WAC: variants seen among roughly 807,000 people sequenced by gnomAD.
WAC encodes the protein WW domain-containing adapter protein with coiled-coil.
Under a neutral mutation model 79.6 loss-of-function variants are expected in WAC, and 11 were observed. That is an observed-to-expected ratio of 0.14 (90% CI 0.09 to 0.23). The LOEUF (loss-of-function observed/expected upper bound fraction) is 0.23, where lower values mean the gene tolerates loss of function less well. WAC is among the 10% of genes least tolerant of loss of function. The pLI is 1.00. For missense variants in WAC, 728 were observed against 773.5 expected (o/e 0.94, Z 0.70); for synonymous variants, 304 against 276.9 (o/e 1.10, Z -0.97).
chr10:28,538,995 T>G (rs1836851134), intron 3 of WAC, among the ~76,000 whole-genome samples: 1 of 152,180 alleles, frequency 6.6e-6, no homozygotes, highest in Non-Finnish European at 1.5e-5. Flanking sequence ...AGCAGGTTAC[T>G]TACTATATGC....
At chr10:28,573,702 G>A (rs1301458175) in intron 3 of WAC, among the ~76,000 whole-genome samples, 26 of 152,200 alleles carry the variant, frequency 1.7e-4, no homozygotes, top group Admixed American at 1.3e-4. Context: ...TGGTGGGGGC[G>A]TAAGTTTTAT....
chr10:28,543,222 C>T (rs1346273993), intron 3 of WAC, among the ~76,000 whole-genome samples: 1 of 152,202 alleles, frequency 6.6e-6, no homozygotes, highest in Non-Finnish European at 1.5e-5. Flanking sequence ...GGTTCTATAG[C>T]AGCACCGTCC....
At chr10:28,564,034 T>C (rs1159931166) in intron 3 of WAC, among the ~76,000 whole-genome samples, 1 of 151,980 alleles carries the variant, frequency 6.6e-6, no homozygotes, top group Non-Finnish European at 1.5e-5. Context: ...CCCAGCACTT[T>C]GGGAAGCTGA....
At chr10:28,564,241 A>G (rs1364825493) in intron 3 of WAC, among the ~76,000 whole-genome samples, 1 of 152,210 alleles carries the variant, frequency 6.6e-6, no homozygotes, top group Non-Finnish European at 1.5e-5. Context: ...CGATAGAGCC[A>G]GACCTTGTCT....
chr10:28,588,983 A>G (rs1481579508), intron 4 of WAC: 4 of 152,298 alleles, frequency 2.6e-5, no homozygotes, highest in African/African-American at 4.8e-5. Context: ...CCTGGGGGCA[A>G]TTAGATACTT....
At chr10:28,582,726 T>C (rs543398119) in intron 3 of WAC, among the ~76,000 whole-genome samples, 1 of 152,324 alleles carries the variant, frequency 6.6e-6, no homozygotes, top group South Asian at 2.1e-4. Context: ...TATACCCTGC[T>C]TTTTCTTAAA....
intron 8 of WAC, among the ~76,000 whole-genome samples, chr10:28,609,286 C>A (rs1326833217): frequency 6.6e-6 from 1 of 152,126 alleles, no homozygotes; most frequent in Non-Finnish European, 1.5e-5. Flanking sequence ...TCGCTTGAAC[C>A]CAGGAGACGG....
chr10:28,572,562 ACACTTTGGGAGGTGGAGGTGGGCTGAT>A (rs1839033235), intron 3 of WAC, among the ~76,000 whole-genome samples: 1 of 151,846 alleles, frequency 6.6e-6, no homozygotes, highest in East Asian at 2.0e-4. Flanking sequence ...CTGTAATCCC[ACACTTTGGGAGGTGGAGGTGGGCTGAT>A]CACTTGAGGT....
intron 3 of WAC, among the ~76,000 whole-genome samples, chr10:28,574,982 TTAATGGTACC>T (rs1432835422): frequency 1.4e-5 from 2 of 142,176 alleles, no homozygotes; most frequent in Non-Finnish European, 3.2e-5. Flanking sequence ...AAAAGTTACA[TTAATGGTACC>T]TAGAGCTTAT....
intron 7 of WAC, among the ~76,000 whole-genome samples, chr10:28,603,766 C>G (rs987846177): frequency 6.6e-6 from 1 of 151,050 alleles, no homozygotes; most frequent in Non-Finnish European, 1.5e-5. Flanking sequence ...AACCCCATCT[C>G]TACTAAAAAT....
At chr10:28,594,718 A>G (rs190842835) in intron 6 of WAC, among the ~76,000 whole-genome samples, 7 of 152,306 alleles carry the variant, frequency 4.6e-5, no homozygotes. Flanking sequence ...GAAAAAAACT[A>G]TACAATAATC....
chr10:28,549,777 G>C (rs1293776448), intron 3 of WAC, among the ~76,000 whole-genome samples: 1 of 152,072 alleles, frequency 6.6e-6, no homozygotes, highest in Non-Finnish European at 1.5e-5. Context: ...ATGTACATAA[G>C]AGGCCACTGA....
chr10:28,568,304 C>T (rs1432795483), intron 3 of WAC, among the ~76,000 whole-genome samples: 18 of 152,154 alleles, frequency 1.2e-4, no homozygotes, highest in Admixed American at 1.2e-3. Flanking sequence ...GAATTAATGG[C>T]TTTTTAAGTC....
chr10:28,542,961 A>G (rs1015181635), intron 3 of WAC, among the ~76,000 whole-genome samples: 3 of 152,202 alleles, frequency 2.0e-5, no homozygotes, highest in Non-Finnish European at 2.9e-5. Flanking sequence ...GTTTTTATCC[A>G]CCTTGTATTC....
intron 3 of WAC, among the ~76,000 whole-genome samples, chr10:28,564,287 G>C (rs1327730644): frequency 1.3e-5 from 2 of 152,104 alleles, no homozygotes; most frequent in African/African-American, 4.8e-5. Flanking sequence ...AAAACCCTAG[G>C]AACAAGAACA....
chr10:28,540,147 A>G (rs893434858), intron 3 of WAC, among the ~76,000 whole-genome samples: 22 of 152,248 alleles, frequency 1.4e-4, no homozygotes, highest in African/African-American at 5.3e-4. Context: ...AATGTTGTAT[A>G]GAAAGTAAGT....
intron 3 of WAC, among the ~76,000 whole-genome samples, chr10:28,551,784 T>TTTGTGTGTGTG (rs3222049): frequency 1.6e-5 from 2 of 124,808 alleles, no homozygotes; most frequent in Admixed American, 9.1e-5. Flanking sequence ...TCCTGTCTAC[T>TTTGTGTGTGTG]TGTGTGTGTG....
chr10:28,553,215 T>C (rs1359058017), intron 3 of WAC, among the ~76,000 whole-genome samples: 3 of 151,816 alleles, frequency 2.0e-5, no homozygotes, highest in Non-Finnish European at 4.4e-5. Context: ...TATAAACAAA[T>C]CTTTTATAGT....
At chr10:28,538,118 A>T (rs1270127877) in intron 3 of WAC, 3 of 157,230 alleles carry the variant, frequency 1.9e-5, no homozygotes, top group Non-Finnish European at 4.3e-5. Context: ...CTCTCTTCAA[A>T]AAACGTAAAA....
Sources: gnomAD v4.1 joint callset for allele counts (sites outside exome capture counted in the v4.1 genomes callset) on GRCh38, gnomAD v4.1.1 for gene constraint, MANE v1.5 for transcripts, NCBI Gene and HGNC (gene_info 2026-07-23, HGNC 2026-07-21) for gene names.